Variants in ACAP2 observed in about 807,000 individuals in gnomAD.
The protein encoded by ACAP2 is arf-GAP with coiled-coil, ANK repeat and PH domain-containing protein 2.
A neutral mutation model predicts 115.8 loss-of-function variants in ACAP2; 39 were observed. That is an observed-to-expected ratio of 0.34 (90% CI 0.26 to 0.44). The LOEUF is 0.44. Ranked by LOEUF, ACAP2 falls within the 20% of genes least tolerant of loss-of-function variation. The pLI is 1.00. For missense variants in ACAP2, 662 were observed against 927.6 expected, an observed-to-expected ratio of 0.71 and a Z score of 3.72; for synonymous variants, 289 against 315.8, an observed-to-expected ratio of 0.92 and a Z score of 0.90.
intron 4 of ACAP2, among the ~76,000 whole-genome samples, chr3:195,367,870 G>C (rs935296514): frequency 6.6e-6 from 1 of 152,148 alleles, no homozygotes; most frequent in Admixed American, 6.5e-5. Context: ...GAATCCTTCA[G>C]CCACAGTCAA....
intron 1 of ACAP2, among the ~76,000 whole-genome samples, chr3:195,415,478 T>C (rs1226712293): frequency 2.0e-5 from 3 of 152,028 alleles, no homozygotes; most frequent in Non-Finnish European, 4.4e-5. Context: ...GATTTCACCA[T>C]GTTGGCCAGG....
At chr3:195,384,384 GGA>G (rs773478713) in intron 2 of ACAP2, among the ~76,000 whole-genome samples, 11 of 152,210 alleles carry the variant, frequency 7.2e-5, no homozygotes, top group Admixed American at 1.3e-4. Context: ...GTTGAAATGG[GGA>G]GAGTCATTTG....
intron 20 of ACAP2, among the ~76,000 whole-genome samples, chr3:195,290,099 CA>C (rs1727139133): frequency 6.6e-6 from 1 of 151,704 alleles, no homozygotes; most frequent in South Asian, 2.1e-4. Flanking sequence ...AATGGCTGGG[CA>C]AGGTAAGCAC....
chr3:195,350,182 G>A (rs934259949), intron 4 of ACAP2, among the ~76,000 whole-genome samples: 2 of 152,056 alleles, frequency 1.3e-5, no homozygotes, highest in African/African-American at 4.8e-5. Context: ...TACATTCAAC[G>A]CAATTCCACT....
intron 4 of ACAP2, among the ~76,000 whole-genome samples, chr3:195,346,078 A>AT (rs1731170898): frequency 6.6e-6 from 1 of 152,150 alleles, no homozygotes; most frequent in Non-Finnish European, 1.5e-5. Context: ...CAATACCACA[A>AT]TTTCATTATC....
At chr3:195,288,632 T>G (rs1439993284) in intron 21 of ACAP2, among the ~76,000 whole-genome samples, 1 of 151,858 alleles carries the variant, frequency 6.6e-6, no homozygotes. Flanking sequence ...CCGAGGCGGG[T>G]GGATCACCTG....
chr3:195,335,603 T>G (rs1256241274), intron 7 of ACAP2, among the ~76,000 whole-genome samples: 1 of 152,172 alleles, frequency 6.6e-6, no homozygotes. Flanking sequence ...CATTCTAATT[T>G]TCTACAATTA....
intron 1 of ACAP2, among the ~76,000 whole-genome samples, chr3:195,395,083 A>G (rs78089179): frequency 0.014 from 2,048 of 145,398 alleles, 159 homozygotes; most frequent in African/African-American, 0.053. Flanking sequence ...TAAAAAACTA[A>G]TAAGTGAAAT....
At chr3:195,435,545 G>A (rs545912290) in intron 1 of ACAP2, among the ~76,000 whole-genome samples, 26 of 151,992 alleles carry the variant, frequency 1.7e-4, no homozygotes, top group African/African-American at 5.1e-4. Context: ...TAAGTTTGGC[G>A]TGTTCTATTT....
chr3:195,295,763 C>A lies in ACAP2; in HGVS notation c.1617G>T (p.Leu539=). 6.2e-7 allele frequency: 1 copy of A among 1,614,110 alleles called. No individual in the cohort carries two copies. Among genetic ancestry groups the A allele is most frequent in the Non-Finnish European group, 8.5e-7 (1 of 1,179,996 alleles). Residue 539 remains leucine (L), a synonymous_variant, in exon 17 of 23, where the codon CTG becomes CTT. Coordinates refer to ENST00000326793, the MANE Select transcript of ACAP2 (RefSeq NM_012287.6). ...FVSKSSEEKR[L]SISKFGPGDQ... ...CCCCTGGCCCAAATTTAGAAATGCT[C>A]AGCCTCTTTTCTTCAGAACTTTTAG...
chr3:195,304,022 G>A (rs1728244640), intron 13 of ACAP2, among the ~76,000 whole-genome samples: 1 of 151,558 alleles, frequency 6.6e-6, no homozygotes, highest in South Asian at 2.1e-4. Flanking sequence ...AAATTAGCCG[G>A]GCATGGTGGT....
At chr3:195,343,622 A>G (rs901372088) in intron 5 of ACAP2, among the ~76,000 whole-genome samples, 2 of 152,144 alleles carry the variant, frequency 1.3e-5, no homozygotes, top group Non-Finnish European at 2.9e-5. Context: ...GTGGTCTCAC[A>G]TTATTGCCCA....
intron 13 of ACAP2, among the ~76,000 whole-genome samples, chr3:195,302,837 C>G (rs1728155077): frequency 6.6e-6 from 1 of 152,120 alleles, no homozygotes; most frequent in Admixed American, 6.5e-5. Flanking sequence ...GTAATCCCAG[C>G]ACTTTAGGAA....
chr3:195,378,145 G>A (rs1297489379), intron 4 of ACAP2, among the ~76,000 whole-genome samples: 2 of 150,804 alleles, frequency 1.3e-5, no homozygotes, highest in East Asian at 4.0e-4. Flanking sequence ...AGTGGAATCT[G>A]CTTAGGTTTC....
chr3:195,344,063 G>A (rs997380180), intron 5 of ACAP2, among the ~76,000 whole-genome samples: 1 of 152,042 alleles, frequency 6.6e-6, no homozygotes, highest in Non-Finnish European at 1.5e-5. Context: ...AAAAATAAAA[G>A]ATAAATTAGC....
intron 1 of ACAP2, among the ~76,000 whole-genome samples, chr3:195,434,122 TCTCA>T (rs1715349575): frequency 6.6e-6 from 1 of 152,156 alleles, no homozygotes; most frequent in Admixed American, 6.5e-5. Context: ...AGAGACAAGG[TCTCA>T]CTATGTTGCC....
At chr3:195,399,869 A>G (rs1712123863) in intron 1 of ACAP2, among the ~76,000 whole-genome samples, 1 of 152,158 alleles carries the variant, frequency 6.6e-6, no homozygotes, top group Admixed American at 6.5e-5. Context: ...AAAAAAAGGA[A>G]GAACTTAAAA....
chr3:195,302,886 A>G (rs1728158342), intron 13 of ACAP2, among the ~76,000 whole-genome samples: 1 of 152,112 alleles, frequency 6.6e-6, no homozygotes, highest in African/African-American at 2.4e-5. Context: ...GGTGTTCAAG[A>G]TCAGCCTGGG....
At chr3:195,387,471 A>G (rs1462087725) in intron 2 of ACAP2, among the ~76,000 whole-genome samples, 3 of 152,356 alleles carry the variant, frequency 2.0e-5, no homozygotes, top group Non-Finnish European at 2.9e-5. Flanking sequence ...AAGAAATAAT[A>G]TAAGTAAAAC....
Sources: allele counts gnomAD v4.1 joint callset (sites outside exome capture counted in the v4.1 genomes callset), GRCh38; gene constraint gnomAD v4.1.1; transcripts MANE v1.5; gene names NCBI Gene and HGNC (gene_info 2026-07-23, HGNC 2026-07-21).